Variants in SEMA3D observed in about 807,000 individuals in gnomAD.
SEMA3D encodes the protein semaphorin-3D.
In SEMA3D, 84 loss-of-function variants were observed where a neutral mutation model predicts 100.1. The ratio of observed to expected loss-of-function variants is 0.84; its 90% CI spans 0.70 to 1.01. The LOEUF (loss-of-function observed/expected upper bound fraction) is 1.01. Among genes scored for constraint, SEMA3D ranks in the 50% least tolerant of loss-of-function variants. The pLI is 0.00. For synonymous variants in SEMA3D, 312 were observed against 320.7 expected, an observed-to-expected ratio of 0.97 and a Z score of 0.29; for missense variants, 875 against 934.1, an observed-to-expected ratio of 0.94 and a Z score of 0.82.
intron 1 of SEMA3D, among the ~76,000 whole-genome samples, chr7:85,180,790 T>G (rs1791379543): frequency 6.6e-6 from 1 of 152,214 alleles, no homozygotes; most frequent in African/African-American, 2.4e-5. Context: ...ATATTACATT[T>G]AGTTCTCATA....
chr7:85,043,627 T>C (rs2116002675), intron 9 of SEMA3D, among the ~76,000 whole-genome samples: 1 of 152,246 alleles, frequency 6.6e-6, no homozygotes, highest in African/African-American at 2.4e-5. Context: ...GTAGCTCCCA[T>C]AATTCCCACA....
chr7:85,186,422 C>T (rs1215608669), intron 1 of SEMA3D, among the ~76,000 whole-genome samples: 4 of 152,154 alleles, frequency 2.6e-5, no homozygotes, highest in African/African-American at 9.7e-5. Context: ...GGCTCCGCAG[C>T]TGCTGAGGCG....
intron 11 of SEMA3D, 102 bp downstream of exon 11, chr7:85,040,571 G>A (rs750672391): frequency 9.4e-5 from 61 of 647,018 alleles, no homozygotes; most frequent in Non-Finnish European, 1.4e-4. Context: ...AAAAGTTTAC[G>A]ATATGCTACT....
intron 3 of SEMA3D, among the ~76,000 whole-genome samples, chr7:85,118,159 A>G (rs930381411): frequency 9.2e-5 from 14 of 152,154 alleles, no homozygotes; most frequent in Admixed American, 2.6e-4. Flanking sequence ...TAAGTTTTTA[A>G]TTTCAGATAT....
At chr7:85,012,869 AT>A in intron 16 of SEMA3D, 23 bp from the exon 17 acceptor site, 1 of 1,592,864 alleles carries the variant, frequency 6.3e-7, no homozygotes, top group Non-Finnish European at 8.6e-7. Context: ...GATTAAACTT[AT>A]TAGAACTTCA....
At chr7:85,213,744 G>A in the SEMA3D span, among the ~76,000 whole-genome samples, 1 of 152,096 alleles carries the variant, frequency 6.6e-6, no homozygotes, top group African/African-American at 2.4e-5. Context: ...AGTGCATGAG[G>A]TCTTTCACCT....
intron 3 of SEMA3D, among the ~76,000 whole-genome samples, chr7:85,110,287 A>G (rs934109219): frequency 1.7e-4 from 26 of 151,996 alleles, no homozygotes; most frequent in Admixed American, 1.7e-3. Flanking sequence ...ATTATCATAT[A>G]AAGGGGTTGC....
the SEMA3D span, among the ~76,000 whole-genome samples, chr7:85,201,475 C>T: frequency 6.6e-6 from 1 of 152,126 alleles, no homozygotes; most frequent in African/African-American, 2.4e-5. Flanking sequence ...TTAACCTCAG[C>T]TTGGGTTCCA....
intron 2 of SEMA3D, among the ~76,000 whole-genome samples, chr7:85,122,232 C>CAAA (rs34627101): frequency 0.021 from 2,979 of 144,052 alleles, 57 homozygotes; most frequent in South Asian, 0.082. Flanking sequence ...ACTTAAAGTA[C>CAAA]AAAAAAAAAA....
At chr7:85,166,242 G>A (rs1008172589) in intron 1 of SEMA3D, among the ~76,000 whole-genome samples, 2 of 151,784 alleles carry the variant, frequency 1.3e-5, no homozygotes, top group Non-Finnish European at 2.9e-5. Flanking sequence ...ACACGATGTT[G>A]ATCTTACCAA....
intron 1 of SEMA3D, among the ~76,000 whole-genome samples, chr7:85,177,636 T>C (rs1791275980): frequency 1.3e-5 from 2 of 152,168 alleles, no homozygotes; most frequent in Non-Finnish European, 2.9e-5. Flanking sequence ...AATAGCATTT[T>C]TTGCATGAGA....
chr7:85,128,253 C>T (rs1397147790), intron 2 of SEMA3D, among the ~76,000 whole-genome samples: 6 of 151,806 alleles, frequency 4.0e-5, no homozygotes, highest in Admixed American at 3.9e-4. Flanking sequence ...CTGCAAGTTC[C>T]ACATCTCTGG....
At chr7:85,232,040 G>T in the SEMA3D span, among the ~76,000 whole-genome samples, 61 of 152,258 alleles carry the variant, frequency 4.0e-4, no homozygotes, top group Middle Eastern at 6.8e-3. Flanking sequence ...TAATGGACTA[G>T]GAAATAAGTG....
intron 4 of SEMA3D, among the ~76,000 whole-genome samples, chr7:85,091,152 GGGAAGGAAGGAA>G (rs1186876239): frequency 1.5e-5 from 2 of 130,088 alleles, no homozygotes; most frequent in Non-Finnish European, 3.2e-5. Flanking sequence ...GAAGGAAGGA[GGGAAGGAAGGAA>G]GGAAGGAAAG....
At chr7:85,135,255 T>C (rs1470650200) in intron 2 of SEMA3D, among the ~76,000 whole-genome samples, 1 of 152,158 alleles carries the variant, frequency 6.6e-6, no homozygotes, top group Non-Finnish European at 1.5e-5. Context: ...ACAATGGCTA[T>C]TATGACAATT....
At chr7:85,080,748 G>T (rs1200856183) in intron 5 of SEMA3D, among the ~76,000 whole-genome samples, 1 of 152,116 alleles carries the variant, frequency 6.6e-6, no homozygotes, top group Non-Finnish European at 1.5e-5. Context: ...CAGAGCCATA[G>T]CCCTCATTGC....
upstream of SEMA3D, among the ~76,000 whole-genome samples, chr7:85,188,278 A>G (rs1791616669): frequency 6.6e-6 from 1 of 152,206 alleles, no homozygotes; most frequent in African/African-American, 2.4e-5. Context: ...AATCTGACCA[A>G]GGCTCTTTCT....
chr7:85,223,719 A>C, the SEMA3D span, among the ~76,000 whole-genome samples: 1 of 152,204 alleles, frequency 6.6e-6, no homozygotes, highest in East Asian at 1.9e-4. Context: ...AACTATGAGG[A>C]TGCAAAGGCA....
intron 9 of SEMA3D, among the ~76,000 whole-genome samples, chr7:85,047,083 A>T (rs931583030): frequency 8.6e-5 from 13 of 151,908 alleles, no homozygotes; most frequent in African/African-American, 2.7e-4. Context: ...TTGGGTGGTA[A>T]GTACAGAGGG....
Sources: allele counts gnomAD v4.1 joint callset (sites outside exome capture counted in the v4.1 genomes callset), GRCh38; gene constraint gnomAD v4.1.1; transcripts MANE v1.5; gene names NCBI Gene and HGNC (gene_info 2026-07-23, HGNC 2026-07-21).